GNAQ: variants seen among roughly 807,000 people sequenced by gnomAD.
GNAQ encodes the protein guanine nucleotide-binding protein G(q) subunit alpha.
Under a neutral mutation model 43.9 loss-of-function variants are expected in GNAQ, and 8 were observed. The ratio of observed to expected loss-of-function variants is 0.18; its 90% confidence interval spans 0.11 to 0.33. The LOEUF is 0.33. Among genes scored for constraint, GNAQ ranks in the 10% least tolerant of loss-of-function variants. GNAQ has a pLI of 1.00. For synonymous variants in GNAQ, 155 were observed against 170.7 expected (o/e 0.91, Z 0.71); for missense variants, 158 against 450.8 (o/e 0.35, Z 5.88).
intron 6 of GNAQ, among the ~76,000 whole-genome samples, chr9:77,725,095 T>C (rs577907224): frequency 3.9e-4 from 59 of 152,228 alleles, no homozygotes; most frequent in African/African-American, 1.3e-3. Flanking sequence ...TTTTTTTCTT[T>C]TTTATTTACC....
intron 2 of GNAQ, among the ~76,000 whole-genome samples, chr9:77,903,785 A>G (rs4392969): frequency 0.57 from 86,772 of 151,796 alleles, 26,862 homozygotes; most frequent in South Asian, 0.71. Context: ...AAGTGGAGAG[A>G]AAAAAAATGC....
chr9:77,754,770 T>C (rs1356089995), intron 5 of GNAQ, among the ~76,000 whole-genome samples: 3 of 152,180 alleles, frequency 2.0e-5, no homozygotes, highest in Admixed American at 1.3e-4. Flanking sequence ...TCATGCGTTA[T>C]TGGTAGGAAT....
chr9:77,779,214 C>T (rs185144490), intron 5 of GNAQ, among the ~76,000 whole-genome samples: 4 of 151,920 alleles, frequency 2.6e-5, no homozygotes, highest in East Asian at 3.9e-4. Context: ...AATCATACAA[C>T]GTCTGTTTTC....
intron 5 of GNAQ, among the ~76,000 whole-genome samples, chr9:77,784,598 A>G (rs1826447821): frequency 6.6e-6 from 1 of 152,220 alleles, no homozygotes; most frequent in South Asian, 2.1e-4. Context: ...TATACACTAC[A>G]ATTGGGGGGA....
chr9:77,720,757 C>T lies in GNAQ; in HGVS notation c.*566G>A, dbSNP rs1210581499. ...AACTATGTGTGTATCCAAAGCAACA[C>T]ATTTAAAACCGTAAGTATTAATACA... is the stretch of plus-strand genomic sequence containing the variant. On this transcript the variant is annotated 3_prime_UTR_variant, in exon 7 of 7. Coordinates refer to ENST00000286548, the MANE Select transcript of GNAQ (RefSeq NM_002072.5). The T allele has an allele frequency of 8.6e-6, 2 of 233,368 alleles. No homozygotes were observed. The highest frequency in any genetic ancestry group is 1.7e-5 in the Non-Finnish European group (2 of 117,942). The allele number at this position is 233,368 out of a possible 1,614,324, so 14.5% of individuals were successfully genotyped here. A position where few individuals can be genotyped will look rare whatever the true frequency, so the allele number is the denominator to read the frequency against.
At chr9:77,962,577 T>C (rs1045351026) in intron 1 of GNAQ, among the ~76,000 whole-genome samples, 2 of 152,056 alleles carry the variant, frequency 1.3e-5, no homozygotes, top group African/African-American at 4.8e-5. Context: ...ATGGTGGATA[T>C]ATACAAGAGG....
At chr9:77,868,107 T>C (rs898611335) in intron 2 of GNAQ, among the ~76,000 whole-genome samples, 2 of 152,192 alleles carry the variant, frequency 1.3e-5, no homozygotes, top group African/African-American at 2.4e-5. Context: ...GGAATATACT[T>C]TAGACTTTAT....
At chr9:77,837,182 T>C (rs1827402817) in intron 2 of GNAQ, among the ~76,000 whole-genome samples, 1 of 152,178 alleles carries the variant, frequency 6.6e-6, no homozygotes, top group African/African-American at 2.4e-5. Flanking sequence ...TCAGTCTTTC[T>C]CTCTATTCAT....
chr9:77,940,490 G>C (rs1002539190), intron 1 of GNAQ, among the ~76,000 whole-genome samples: 1 of 152,044 alleles, frequency 6.6e-6, no homozygotes, highest in African/African-American at 2.4e-5. Flanking sequence ...GAGGGGAGAG[G>C]ATCACTTGAG....
At chr9:77,881,682 C>A (rs34039885) in intron 2 of GNAQ, among the ~76,000 whole-genome samples, 51,075 of 152,026 alleles carry the variant, frequency 0.34, 10,544 homozygotes, top group Non-Finnish European at 0.46. Context: ...CCATGCCTGG[C>A]TGGTTGATTA....
intron 1 of GNAQ, 88 bp downstream of exon 1, chr9:78,031,012 G>T (rs1247225891): frequency 4.0e-6 from 4 of 992,182 alleles, no homozygotes; most frequent in Admixed American, 4.4e-5. Flanking sequence ...GCGCCGGGGG[G>T]CGGGGGCGCC....
At chr9:77,873,442 C>T (rs1333917764) in intron 2 of GNAQ, among the ~76,000 whole-genome samples, 5 of 152,124 alleles carry the variant, frequency 3.3e-5, no homozygotes, top group East Asian at 1.9e-4. Context: ...AATTTGACCC[C>T]GCATGAAAGC....
chr9:78,020,494 C>T lies in GNAQ; in HGVS notation c.136+10606G>A, dbSNP rs942994665. Among the ~76,000 whole-genome samples, 3 of 152,204 alleles carry T rather than the reference C, an allele frequency of 2.0e-5. No homozygotes were observed. The East Asian group carries it at 5.8e-4, about 29-fold the overall frequency. On this transcript the variant is annotated intron_variant, in intron 1 of 6. Coordinates refer to ENST00000286548, the MANE Select transcript of GNAQ (RefSeq NM_002072.5). ...ACAAACTACTCCCATTCCACCAAGG[C>T]GTCTACACTTACTTGCTCATCTCCC...
At chr9:77,793,526 T>C (rs1168841453) in intron 5 of GNAQ, among the ~76,000 whole-genome samples, 1 of 152,146 alleles carries the variant, frequency 6.6e-6, no homozygotes, top group Non-Finnish European at 1.5e-5. Flanking sequence ...ACCTAAAAAA[T>C]GTACTGTATT....
intron 1 of GNAQ, among the ~76,000 whole-genome samples, chr9:77,948,078 T>A (rs1822927334): frequency 6.6e-6 from 1 of 152,212 alleles, no homozygotes; most frequent in South Asian, 2.1e-4. Flanking sequence ...TTAACTATTG[T>A]TATTAATATT....
chr9:77,922,978 G>A (rs2118279582), intron 1 of GNAQ, among the ~76,000 whole-genome samples: 1 of 151,720 alleles, frequency 6.6e-6, no homozygotes, highest in South Asian at 2.1e-4. Context: ...CCTCCCCATA[G>A]CTGGAACTAC....
intron 1 of GNAQ, among the ~76,000 whole-genome samples, chr9:77,991,799 A>G (rs1823511300): frequency 2.0e-5 from 3 of 152,206 alleles, no homozygotes; most frequent in African/African-American, 7.2e-5. Context: ...GTTCCCACTT[A>G]AAAGTGAGAA....
chr9:77,883,845 C>T (rs1013673509), intron 2 of GNAQ, among the ~76,000 whole-genome samples: 1 of 152,194 alleles, frequency 6.6e-6, no homozygotes, highest in Non-Finnish European at 1.5e-5. Context: ...TCTCTGTTCC[C>T]TGTTCATTGC....
intron 1 of GNAQ, among the ~76,000 whole-genome samples, chr9:77,976,378 T>C (rs1333890874): frequency 2.0e-5 from 3 of 152,004 alleles, no homozygotes; most frequent in African/African-American, 7.3e-5. Context: ...TTTTGGTTTT[T>C]GGTTTTTTTT....
Sources: allele counts gnomAD v4.1 joint callset (sites outside exome capture counted in the v4.1 genomes callset), GRCh38; gene constraint gnomAD v4.1.1; transcripts MANE v1.5; gene names NCBI Gene and HGNC (gene_info 2026-07-23, HGNC 2026-07-21).